COL4A2: variants seen among roughly 807,000 people sequenced by gnomAD.
COL4A2 encodes collagen alpha-2(IV) chain.
In COL4A2, 99 loss-of-function variants were observed where a neutral mutation model predicts 200.2. The ratio of observed to expected loss-of-function variants is 0.49; its 90% CI spans 0.42 to 0.58. The LOEUF (loss-of-function observed/expected upper bound fraction) is 0.58, where lower values mean the gene tolerates loss of function less well. COL4A2 is among the 20% of genes least tolerant of loss of function. The pLI is 0.00. For synonymous variants in COL4A2, 897 were observed against 900.6 expected, an observed-to-expected ratio of 1.00 and a Z score of 0.07; for missense variants, 1,950 against 2,314.1, an observed-to-expected ratio of 0.84 and a Z score of 3.23.
rs772670950 is a variant in COL4A2 at position 110,503,962 on chromosome 13, G to C, written c.4254G>C (p.Glu1418Asp). Residue 1418 changes from glutamate (E) to aspartate (D), a missense_variant, in exon 44 of 48, where the codon GAG (glutamate) becomes GAC (aspartate). By Grantham distance (45) the Glu-to-Asp change is conservative (BLOSUM62 2). Coordinates refer to ENST00000360467, the MANE Select transcript of COL4A2 (RefSeq NM_001846.4). ...GRRGPPGAPG[E>D]MGPQGPPGEP... Reference sequence around the variant, plus strand: ...GAGGCCCCCCTGGGGCACCGGGGGAGATGGGGCCCCAGGGCCCCCCCGGAG... The same window carrying C: ...GAGGCCCCCCTGGGGCACCGGGGGACATGGGGCCCCAGGGCCCCCCCGGAG... 1.9e-6 allele frequency: 3 copies of C among 1,569,004 alleles called. No homozygotes were observed. The South Asian group carries it at 3.5e-5, about 18-fold the overall frequency.
chr13:110,361,882 C>G (rs1482394124), intron 4 of COL4A2, among the ~76,000 whole-genome samples: 1 of 152,232 alleles, frequency 6.6e-6, no homozygotes, highest in East Asian at 1.9e-4. Context: ...GAGCCAGGAG[C>G]CAGCCCATGT....
Position 110,432,336 on chromosome 13 carries a change from AC to A in COL4A2, c.665del (p.Pro222LeufsTer24). The A allele has an allele frequency of 6.2e-7, 1 of 1,610,704 alleles. No homozygotes were observed. Among genetic ancestry groups the A allele is most frequent in the South Asian group, 1.1e-5 (1 of 90,410 alleles). ...TTGTATTTGTACAGGGACCACCTGG[AC>A]CCCCTGGACCAAAAGGACAGCAAGT... ...GAPGRPGPPG[P>X]PGPKGQQGNR... On this transcript the variant is annotated frameshift_variant, in exon 11 of 48. Coordinates refer to ENST00000360467, the MANE Select transcript of COL4A2 (RefSeq NM_001846.4). LOFTEE classifies it high-confidence loss of function.
chr13:110,511,899 A>T, intron 47 of COL4A2, 35 bp from the exon 48 acceptor site: 2 of 1,612,654 alleles, frequency 1.2e-6, no homozygotes, highest in Non-Finnish European at 1.7e-6. Context: ...GCAGGCTGTG[A>T]TTCCTAACCC....
At chr13:110,386,089 A>T (rs930614595) in intron 4 of COL4A2, among the ~76,000 whole-genome samples, 2 of 152,074 alleles carry the variant, frequency 1.3e-5, no homozygotes. Flanking sequence ...GTGTTTAGAT[A>T]AACCATGGTT....
intron 4 of COL4A2, among the ~76,000 whole-genome samples, chr13:110,410,673 A>G (rs941671973): frequency 2.0e-5 from 3 of 152,164 alleles, no homozygotes; most frequent in African/African-American, 7.2e-5. Flanking sequence ...TGTTACTGTT[A>G]TATCAGCTTG....
At chr13:110,393,081 G>A (rs1432174585) in intron 4 of COL4A2, among the ~76,000 whole-genome samples, 3 of 152,206 alleles carry the variant, frequency 2.0e-5, no homozygotes, top group African/African-American at 7.2e-5. Flanking sequence ...CCACCTGGGA[G>A]GATTGGCCCA....
At chr13:110,408,022 A>G (rs7318742) in intron 4 of COL4A2, among the ~76,000 whole-genome samples, 110,520 of 152,254 alleles carry the variant, frequency 0.73, 41,046 homozygotes, top group East Asian at 0.93. Context: ...GGTAGGAGCC[A>G]TCCACCTCTG....
At chr13:110,326,001 G>T (rs534602793) in intron 3 of COL4A2, among the ~76,000 whole-genome samples, 88 of 152,144 alleles carry the variant, frequency 5.8e-4, no homozygotes, top group Non-Finnish European at 1.1e-3. Context: ...GGCCAGGCTG[G>T]TCTTGAACTC....
At chr13:110,358,990 A>G (rs1877403625) in intron 4 of COL4A2, among the ~76,000 whole-genome samples, 1 of 152,220 alleles carries the variant, frequency 6.6e-6, no homozygotes, top group Non-Finnish European at 1.5e-5. Context: ...TTTTATAGTT[A>G]TAATAAGCAG....
At chr13:110,382,838 C>T (rs1236139390) in intron 4 of COL4A2, among the ~76,000 whole-genome samples, 2 of 152,120 alleles carry the variant, frequency 1.3e-5, no homozygotes, top group South Asian at 2.1e-4. Flanking sequence ...TGAAAATATA[C>T]ACTTTGAATA....
At chr13:110,464,766 G>A (rs9559811) in intron 24 of COL4A2, among the ~76,000 whole-genome samples, 90,549 of 151,812 alleles carry the variant, frequency 0.6, 27,919 homozygotes, top group Middle Eastern at 0.73. Flanking sequence ...CCAGCACGTG[G>A]GGACAGCACC....
intron 3 of COL4A2, 87 bp downstream of exon 3, chr13:110,308,210 C>A (rs1884856425): frequency 1.4e-6 from 2 of 1,474,536 alleles, no homozygotes; most frequent in East Asian, 2.3e-5. Flanking sequence ...CTCGTCCGTG[C>A]GCTCCCGAGT....
At chr13:110,413,484 T>C (rs965080619) in intron 4 of COL4A2, among the ~76,000 whole-genome samples, 1 of 152,202 alleles carries the variant, frequency 6.6e-6, no homozygotes, top group African/African-American at 2.4e-5. Flanking sequence ...AGAGAGCCCA[T>C]GCTTGAGTCA....
chr13:110,425,136 T>A, intron 6 of COL4A2, 139 bp downstream of exon 6: 4 of 945,032 alleles, frequency 4.2e-6, no homozygotes, highest in Non-Finnish European at 6.4e-6. Context: ...ACGTGCGTAT[T>A]CTCCCCGCGG....
intron 3 of COL4A2, among the ~76,000 whole-genome samples, chr13:110,336,305 C>T (rs1481486491): frequency 6.6e-6 from 1 of 151,976 alleles, no homozygotes; most frequent in Non-Finnish European, 1.5e-5. Flanking sequence ...GCGCTGCACT[C>T]GGAAAGTTGA....
intron 32 of COL4A2, among the ~76,000 whole-genome samples, chr13:110,484,292 A>T (rs1392682204): frequency 1.3e-5 from 2 of 152,168 alleles, no homozygotes; most frequent in African/African-American, 4.8e-5. Context: ...GTAAATGCTT[A>T]GAGACTGAAG....
chr13:110,465,710 T>C, intron 25 of COL4A2, 104 bp downstream of exon 25: 1 of 1,106,518 alleles, frequency 9.0e-7, no homozygotes, highest in Non-Finnish European at 1.3e-6. Flanking sequence ...GGATGCTGTT[T>C]TGCCTCATCT....
At chr13:110,361,117 T>TA (rs1877493946) in intron 4 of COL4A2, among the ~76,000 whole-genome samples, 1 of 152,238 alleles carries the variant, frequency 6.6e-6, no homozygotes, top group Admixed American at 6.5e-5. Context: ...TTCTGTGTGT[T>TA]ACAGGAGACA....
chr13:110,460,205 G>A (rs145102670), intron 22 of COL4A2, among the ~76,000 whole-genome samples: 8 of 152,310 alleles, frequency 5.3e-5, no homozygotes, highest in African/African-American at 1.4e-4. Flanking sequence ...GGAAGGAACC[G>A]CAGCCCCGCA....
Sources: gnomAD v4.1 joint callset for allele counts (sites outside exome capture counted in the v4.1 genomes callset) on GRCh38, gnomAD v4.1.1 for gene constraint, MANE v1.5 for transcripts, NCBI Gene and HGNC (gene_info 2026-07-23, HGNC 2026-07-21) for gene names.